ATAD3B: variants seen among roughly 807,000 people sequenced by gnomAD.
ATAD3B encodes the protein ATPase family AAA domain containing 3B.
A neutral mutation model predicts 70.2 loss-of-function variants in ATAD3B; 59 were observed. That is an observed-to-expected ratio of 0.84 (90% CI 0.68 to 1.04). ATAD3B has a LOEUF of 1.04. Among genes scored for constraint, ATAD3B ranks in the 50% least tolerant of loss-of-function variants. The pLI, the probability that ATAD3B is intolerant of heterozygous loss-of-function variation, is 0.00. For missense variants in ATAD3B, 961 were observed against 913.4 expected, an observed-to-expected ratio of 1.05 and a Z score of -0.67; for synonymous variants, 423 against 388.6, an observed-to-expected ratio of 1.09 and a Z score of -1.04.
At chr1:1,503,366 C>T in the ATAD3B span, 3 of 563,816 alleles carry the variant, frequency 5.3e-6, no homozygotes, top group Non-Finnish European at 9.6e-6. Context: ...AAGACCATCC[C>T]TGGAGGGCAT....
At position 1,477,360 on chromosome 1, in the gene ATAD3B, G is replaced by T. The variant is rs757941915; in HGVS notation, c.282+10G>T. The T allele has an allele frequency of 1.2e-6, 2 of 1,611,908 alleles. No homozygotes were observed. Among genetic ancestry groups the T allele is most frequent in the Non-Finnish European group, 1.7e-6 (2 of 1,179,684 alleles). On this transcript the variant is annotated intron_variant, in intron 2 of 15. Coordinates refer to ENST00000673477, the MANE Select transcript of ATAD3B (RefSeq NM_031921.6). ...ACAGTCCAAGCTCAAAGTGAGTGGG[G>T]CCGGTGTGGGCGAGGAGGCCGGGGC...
rs1186255845 is a variant in ATAD3B, at chr1:1,497,374, G to T, written c.*1557G>T. 6.8e-6 allele frequency: 1 copy of T among 147,820 alleles called. No individual in the cohort carries two copies. The allele number at this position is 147,820 out of a possible 1,614,324, so 9.2% of individuals were successfully genotyped here. A position where few individuals can be genotyped will look rare whatever the true frequency, so the allele number is the denominator to read the frequency against. Reference sequence around the variant, plus strand: ...TACTAGGCCCTAATTAGCCCCAGAGGCGTGCACCACCACGCCCGCTAATGC... The same window carrying T: ...TACTAGGCCCTAATTAGCCCCAGAGTCGTGCACCACCACGCCCGCTAATGC... On this transcript the variant is annotated 3_prime_UTR_variant, in exon 16 of 16. Coordinates refer to ENST00000673477, the MANE Select transcript of ATAD3B (RefSeq NM_031921.6).
At chr1:1,502,280 C>A (rs1640962205), downstream of ATAD3B, among the ~76,000 whole-genome samples, 1 of 149,224 alleles carries the variant, frequency 6.7e-6, no homozygotes, top group African/African-American at 2.5e-5. Flanking sequence ...AGTGGCATAA[C>A]CTCGGCTCAC....
intron 1 of ATAD3B, among the ~76,000 whole-genome samples, chr1:1,475,304 C>G (rs1306779492): frequency 6.6e-6 from 1 of 151,306 alleles, no homozygotes; most frequent in East Asian, 1.9e-4. Context: ...CCTTCCTGGC[C>G]TCACTGCTGG....
chr1:1,480,194 CCACCCCCACA>C (rs762766113), intron 4 of ATAD3B, among the ~76,000 whole-genome samples: 2 of 123,016 alleles, frequency 1.6e-5, no homozygotes, highest in Admixed American at 8.1e-5. Flanking sequence ...CCCCCACCCC[CCACCCCCACA>C]CACCCCCGCA....
chr1:1,505,740 T>A, the ATAD3B span, among the ~76,000 whole-genome samples: 1 of 152,182 alleles, frequency 6.6e-6, no homozygotes, highest in Non-Finnish European at 1.5e-5. Flanking sequence ...TATCTCGGTA[T>A]GGCCTGGTTT....
chr1:1,491,179 C>T lies in ATAD3B; in HGVS notation c.1614+508C>T, dbSNP rs562767921. On this transcript the variant is annotated intron_variant, in intron 15 of 15. Transcript: ENST00000673477. ...TTCCTCGGAGGCACCCCTCCTGCTGCTCCTTGGATACTCCAGGGCCGAGGA... is the reference window on the plus strand; with the variant it reads ...TTCCTCGGAGGCACCCCTCCTGCTGTTCCTTGGATACTCCAGGGCCGAGGA... Among the ~76,000 whole-genome samples the T allele has an allele frequency of 3.3e-5, 5 of 152,090 alleles. No individual in the cohort carries two copies. The South Asian group carries it at 1.0e-3, about 32-fold the overall frequency.
downstream of ATAD3B, among the ~76,000 whole-genome samples, chr1:1,501,956 G>A (rs1395938045): frequency 1.3e-5 from 2 of 151,640 alleles, no homozygotes; most frequent in African/African-American, 2.4e-5. Context: ...TTGGCTCACC[G>A]CAACCTCCAT....
downstream of ATAD3B, among the ~76,000 whole-genome samples, chr1:1,500,569 T>G (rs908299540): frequency 6.8e-6 from 1 of 147,948 alleles, no homozygotes; most frequent in Non-Finnish European, 1.5e-5. Flanking sequence ...AAAAAAAAAA[T>G]TATCCTGTGC....
At chr1:1,499,992 G>T (rs545597180), downstream of ATAD3B, among the ~76,000 whole-genome samples, 1 of 151,296 alleles carries the variant, frequency 6.6e-6, no homozygotes, top group Non-Finnish European at 1.5e-5. Flanking sequence ...CCGCCTCCCG[G>T]GTTCAAGCCA....
At chr1:1,486,330 C>T in intron 10 of ATAD3B, 95 bp downstream of exon 10, 1 of 1,599,108 alleles carries the variant, frequency 6.3e-7, no homozygotes, top group Admixed American at 1.8e-5. Context: ...GGAATGGACC[C>T]CCCTTAGGCC....
chr1:1,479,966 C>CCACA lies in ATAD3B; in HGVS notation c.444+869_444+872dup, dbSNP rs201368361. 4.9e-5 allele frequency among the ~76,000 whole-genome samples: 7 copies of CCACA among 142,116 alleles called. 1 individual carries two copies. Among genetic ancestry groups the CCACA allele is most frequent in the Admixed American group, 7.2e-5 (1 of 13,912 alleles). The allele number at this position is 142,116 out of a possible 152,430, so 93.2% of individuals were successfully genotyped here. A position where few individuals can be genotyped will look rare whatever the true frequency, so the allele number is the denominator to read the frequency against. The stretch of plus-strand genomic sequence containing the variant: ...CACCTGCACACACGGGCACACCCCA[C>CCACA]CACACACACACACAGGCATGGACAC... On this transcript the variant is annotated intron_variant, in intron 4 of 15. Transcript: ENST00000673477.
rs1349362480 is a variant in ATAD3B at position 1,477,175 on chromosome 1, G to C, written c.206-99G>C. On this transcript the variant is annotated intron_variant, in intron 1 of 15. Transcript: ENST00000673477. ...AGGCGTGAACCACCGCTTCCCACTA[G>C]GTTTTTGTATTTTTAGTAGAGGTTG... 1.7e-5 allele frequency: 25 copies of C among 1,487,860 alleles called. 1 individual carries two copies. The highest frequency in any genetic ancestry group is 1.8e-5 in the Non-Finnish European group (20 of 1,089,732). 92.2% of individuals were successfully genotyped at this position (1,487,860 alleles called of 1,614,324 possible).
At chr1:1,487,938 T>C (rs766842054) in intron 12 of ATAD3B, 24 bp downstream of exon 12, 13 of 1,612,522 alleles carry the variant, frequency 8.1e-6, no homozygotes, top group Non-Finnish European at 1.1e-5. Flanking sequence ...AGCCTCTGTC[T>C]GGCCACAGGA....
downstream of ATAD3B, among the ~76,000 whole-genome samples, chr1:1,499,681 C>T (rs1304536946): frequency 2.6e-4 from 39 of 149,692 alleles, no homozygotes; most frequent in Non-Finnish European, 3.0e-5. Flanking sequence ...GCAACCTCCG[C>T]CTGCCGGGTT....
the ATAD3B span, chr1:1,509,146 T>A: frequency 1.9e-6 from 3 of 1,585,064 alleles, no homozygotes; most frequent in Middle Eastern, 1.8e-4. Flanking sequence ...GGCCCTGGCG[T>A]GCATTTGGGG....
Position 1,496,151 on chromosome 1 carries a change from C to A in ATAD3B, c.*334C>A. The stretch of plus-strand genomic sequence containing the variant: ...GCCCTGTCAGCTGGCCGGTCCAAGC[C>A]TGTGGCTGGAGCTGGTGTGTGTTTA... On this transcript the variant is annotated 3_prime_UTR_variant, in exon 16 of 16. Coordinates refer to ENST00000673477, the MANE Select transcript of ATAD3B (RefSeq NM_031921.6). 10 of 1,094,604 alleles carry A rather than the reference C, an allele frequency of 9.1e-6. No individual in the cohort carries two copies. The highest frequency in any genetic ancestry group is 1.0e-5 in the Non-Finnish European group (9 of 898,562). The allele number at this position is 1,094,604 out of a possible 1,614,324, so 67.8% of individuals were successfully genotyped here.
At chr1:1,481,970 G>A (rs1293458810) in intron 5 of ATAD3B, among the ~76,000 whole-genome samples, 168 bp from the exon 6 acceptor site, 1 of 139,794 alleles carries the variant, frequency 7.2e-6, no homozygotes, top group Non-Finnish European at 1.5e-5. Context: ...GGGCCTGTCC[G>A]TGGCCTTAGC....
chr1:1,501,811 T>C (rs1260571956), downstream of ATAD3B, among the ~76,000 whole-genome samples: 1 of 152,244 alleles, frequency 6.6e-6, no homozygotes, highest in Non-Finnish European at 1.5e-5. Context: ...CGTGGGTTAC[T>C]ACATTAAGGA....
Sources: gnomAD v4.1 joint callset for allele counts (sites outside exome capture counted in the v4.1 genomes callset) on GRCh38, gnomAD v4.1.1 for gene constraint, MANE v1.5 for transcripts, NCBI Gene and HGNC (gene_info 2026-07-23, HGNC 2026-07-21) for gene names.